LRRFIP1: variants seen among roughly 807,000 people sequenced by gnomAD.
LRRFIP1 encodes the protein LRR binding FLII interacting protein 1.
LRRFIP1 carries 62 observed loss-of-function variants against 104.4 expected under a neutral mutation model. The ratio of observed to expected loss-of-function variants is 0.59; its 90% confidence interval spans 0.48 to 0.73. LRRFIP1 has a LOEUF of 0.73. LRRFIP1 is among the 30% of genes least tolerant of loss of function. LRRFIP1 has a pLI of 0.00. For missense variants in LRRFIP1, 796 were observed against 824.5 expected (o/e 0.97, Z 0.42); for synonymous variants, 300 against 299.0 (o/e 1.00, Z -0.03).
Position 237,779,577 on chromosome 2 carries a change from G to T in LRRFIP1, c.*45G>T. ...AACTGGTTGGTGACTGGAGAGCATT[G>T]TTTCATAGGCTTTTCTCTGTCCTAT... On this transcript the variant is annotated 3_prime_UTR_variant, in exon 24 of 24. Coordinates refer to ENST00000308482, the MANE Select transcript of LRRFIP1 (RefSeq NM_001137550.2). The T allele has an allele frequency of 1.3e-6, 2 of 1,500,874 alleles. No individual in the cohort carries two copies. Among genetic ancestry groups the T allele is most frequent in the South Asian group, 2.3e-5 (2 of 88,302 alleles). The allele number at this position is 1,500,874 out of a possible 1,614,324, so 93.0% of individuals were successfully genotyped here. A position where few individuals can be genotyped will look rare whatever the true frequency, so the allele number is the denominator to read the frequency against.
intron 1 of LRRFIP1, among the ~76,000 whole-genome samples, chr2:237,648,409 G>C (rs908049856): frequency 3.3e-5 from 5 of 151,880 alleles, no homozygotes; most frequent in African/African-American, 1.2e-4. Flanking sequence ...AGTGTCCGGG[G>C]TGTTCATTGT....
rs531491046 is a variant in LRRFIP1, at chr2:237,632,323, C to A, written c.96+4583C>A. 4.6e-5 allele frequency among the ~76,000 whole-genome samples: 7 copies of A among 152,312 alleles called. No individual in the cohort carries two copies. The South Asian group carries it at 1.5e-3, about 32-fold the overall frequency. ...TGTCCCCCAGGCTTGTTTCAAGATG[C>A]AACCAATTCTGTGGTACGTTTCCTG... On this transcript the variant is annotated intron_variant, in intron 1 of 23. Transcript: ENST00000308482.
chr2:237,632,205 A>ACTGCCCC (rs1559431295), intron 1 of LRRFIP1, among the ~76,000 whole-genome samples: 30,820 of 149,708 alleles, frequency 0.21, 8,652 homozygotes, highest in Admixed American at 0.23. Context: ...AAGGGGTCAC[A>ACTGCCCC]CAGCCCCCAA....
Position 237,756,126 on chromosome 2 carries a change from T to C in LRRFIP1, c.1070T>C (p.Ile357Thr), listed in dbSNP as rs1410141665. 4 of 1,613,962 alleles carry C rather than the reference T, an allele frequency of 2.5e-6. No homozygotes were observed. The highest frequency in any genetic ancestry group is 3.4e-6 in the Non-Finnish European group (4 of 1,179,980). ...GAAAGGGAAAAACACGCCCACAGTA[T>C]ACTGCAATTTCAGTTTGCTGAAGTC... Reference protein sequence around the residue: ...EFEREKHAHSILQFQFAEVKE... With the variant: ...EFEREKHAHSTLQFQFAEVKE... Residue 357 changes from isoleucine (I) to threonine (T), a missense_variant, in exon 16 of 24, where the codon ATA (isoleucine) becomes ACA (threonine). Transcript: ENST00000308482.
intron 8 of LRRFIP1, among the ~76,000 whole-genome samples, chr2:237,729,379 C>T (rs918062115): frequency 6.6e-5 from 10 of 152,206 alleles, no homozygotes; most frequent in Admixed American, 2.0e-4. Flanking sequence ...AGCTATAGCC[C>T]GCAGGCGGGC....
rs3769077 is a variant in LRRFIP1 at position 237,735,347 on chromosome 2, G to A, written c.555+14G>A. The A allele has an allele frequency of 0.042, 67,624 of 1,611,054 alleles. 2,859 individuals are homozygous for A. The highest frequency in any genetic ancestry group is 0.2 in the African/African-American group (14,851 of 74,956). On this transcript the variant is annotated intron_variant, in intron 10 of 23. Coordinates refer to ENST00000308482, the MANE Select transcript of LRRFIP1 (RefSeq NM_001137550.2). The surrounding 1 kb of genome is among the most constrained non-coding windows in gnomAD (Gnocchi z 4.6). ...GGCTCCCGTGCTGTAAGGCGCTTTC[G>A]GTGATACCTCCTTTCCCCCGTGCCT...
chr2:237,745,115 A>G (rs1459918834), intron 11 of LRRFIP1, among the ~76,000 whole-genome samples: 1 of 152,230 alleles, frequency 6.6e-6, no homozygotes, highest in Non-Finnish European at 1.5e-5. Context: ...AGGGCTTAGG[A>G]AAGGGGGCTT....
Position 237,700,028 on chromosome 2 carries a change from A to AG in LRRFIP1, c.97-8516_97-8515insG, listed in dbSNP as rs571676973. Among the ~76,000 whole-genome samples, 345 of 152,052 alleles carry AG rather than the reference A, an allele frequency of 2.3e-3. 10 individuals carry two copies. In the East Asian group the frequency reaches 0.047, roughly 21 times the overall value. On this transcript the variant is annotated intron_variant, in intron 1 of 23. Coordinates refer to ENST00000308482, the MANE Select transcript of LRRFIP1 (RefSeq NM_001137550.2). ...GGACATGGGGTGGTGGGTACACGGA[A>AG]CCGAGGTGAGCCTCCCTTGCGTTGC...
In LRRFIP1 at chr2:237,735,215, G is replaced by T; in HGVS notation, c.490-53G>T. 1 of 1,485,238 alleles carries T rather than the reference G, an allele frequency of 6.7e-7. No individual in the cohort carries two copies. The highest frequency in any genetic ancestry group is 1.2e-5 in the South Asian group (1 of 85,086). The allele number at this position is 1,485,238 out of a possible 1,614,324, so 92.0% of individuals were successfully genotyped here. On this transcript the variant is annotated intron_variant, in intron 9 of 23. Transcript: ENST00000308482. The surrounding 1 kb of genome is among the most constrained non-coding windows in gnomAD (Gnocchi z 4.6). ...AGCTCACGTTTTCAGCACTTTCTGG[G>T]CACTCTTGGAGAAAGGAAGAGCGCC...
At chr2:237,662,840 C>T (rs989032267) in intron 1 of LRRFIP1, among the ~76,000 whole-genome samples, 3 of 152,104 alleles carry the variant, frequency 2.0e-5, no homozygotes, top group Non-Finnish European at 4.4e-5. Context: ...TTCAATCAGA[C>T]ACGCCCACCA....
intron 1 of LRRFIP1, among the ~76,000 whole-genome samples, chr2:237,701,540 C>A (rs891948546): frequency 6.6e-6 from 1 of 152,228 alleles, no homozygotes; most frequent in African/African-American, 2.4e-5. Flanking sequence ...TGGCCTGAGC[C>A]CCCAGCCTGA....
At chr2:237,693,780 T>C (rs907118251) in intron 1 of LRRFIP1, among the ~76,000 whole-genome samples, 3 of 152,012 alleles carry the variant, frequency 2.0e-5, no homozygotes, top group Non-Finnish European at 2.9e-5. Context: ...AGAGTAAACA[T>C]TGAGAACAGG....
At chr2:237,752,557 C>A (rs1312944069) in intron 14 of LRRFIP1, among the ~76,000 whole-genome samples, 2 of 152,238 alleles carry the variant, frequency 1.3e-5, no homozygotes, top group African/African-American at 4.8e-5. Flanking sequence ...GAACTGGCAG[C>A]TCTTGCCGCT....
At chr2:237,653,683 C>T (rs75899273) in intron 1 of LRRFIP1, among the ~76,000 whole-genome samples, 1,748 of 152,226 alleles carry the variant, frequency 0.011, 27 homozygotes, top group African/African-American at 0.04. Context: ...GGAAGAATAG[C>T]GAGCCCAGAA....
chr2:237,764,896 A>C, intron 19 of LRRFIP1: 1 of 985,664 alleles, frequency 1.0e-6, no homozygotes, highest in East Asian at 1.1e-4. Context: ...AAAGATTTAA[A>C]GTTTTTTTCT....
intron 1 of LRRFIP1, among the ~76,000 whole-genome samples, chr2:237,685,167 C>CT (rs1167875545): frequency 4.8e-5 from 7 of 147,008 alleles, no homozygotes; most frequent in South Asian, 4.5e-4. Flanking sequence ...AGATGCTTTA[C>CT]TGGAGGTGTT....
Position 237,763,784 on chromosome 2 carries a change from G to C in LRRFIP1, c.1459+3579G>C, listed in dbSNP as rs376832893. ...CACCGTTCAATCATCAGGCCCGAGG[G>C]CTGGTGGTGAAGAATTAGATGAAGG... On this transcript the variant is annotated intron_variant, in intron 19 of 23. Transcript: ENST00000308482. The C allele has an allele frequency of 8.1e-6, 13 of 1,614,118 alleles. No homozygotes were observed. The East Asian group carries it at 1.3e-4, about 17-fold the overall frequency.
rs755045942 is a variant in LRRFIP1 at position 237,720,821 on chromosome 2, G to A, written c.344G>A (p.Arg115Lys). 4 of 1,614,018 alleles carry A rather than the reference G, an allele frequency of 2.5e-6. No individual in the cohort carries two copies. In the South Asian group the frequency reaches 4.4e-5, roughly 18 times the overall value. The change falls in exon 6 of 24, where the codon AGG becomes AAG. Residue 115 changes from arginine (R) to lysine (K), a missense_variant and splice_region_variant. Transcript: ENST00000308482. ...RMSVGSRGSL[R>K]SQPDLEYGGP... ...TCAGTGGGTAGTCGTGGAAGCCTGAGGGTCAGTAACCAGAATGATGGAGTT... is the reference window on the plus strand; with the variant it reads ...TCAGTGGGTAGTCGTGGAAGCCTGAAGGTCAGTAACCAGAATGATGGAGTT...
chr2:237,677,148 C>G (rs2091259946), intron 1 of LRRFIP1, among the ~76,000 whole-genome samples: 1 of 152,224 alleles, frequency 6.6e-6, no homozygotes, highest in South Asian at 2.1e-4. Context: ...CCCAGAACTT[C>G]TTCATCTTGC....
Sources: gnomAD v4.1 joint callset for allele counts (sites outside exome capture counted in the v4.1 genomes callset) on GRCh38, gnomAD v4.1.1 for gene constraint, Gnocchi (gnomAD v3.1) non-coding constraint, MANE v1.5 for transcripts, NCBI Gene and HGNC (gene_info 2026-07-23, HGNC 2026-07-21) for gene names.